Variants in FMN1 observed in about 807,000 individuals in gnomAD.
The protein encoded by FMN1 is formin-1.
In FMN1, 110 loss-of-function variants were observed where a neutral mutation model predicts 132.4. The ratio of observed to expected loss-of-function variants is 0.83; its 90% CI spans 0.71 to 0.97. The LOEUF is 0.97. Among genes scored for constraint, FMN1 ranks in the 50% least tolerant of loss-of-function variants. The pLI is 0.00. For synonymous variants in FMN1, 722 were observed against 651.7 expected, an observed-to-expected ratio of 1.11 and a Z score of -1.64; for missense variants, 1,792 against 1,705.3, an observed-to-expected ratio of 1.05 and a Z score of -0.90.
intron 15 of FMN1, among the ~76,000 whole-genome samples, chr15:32,889,313 C>T (rs1219089020): frequency 1.3e-5 from 2 of 152,134 alleles, no homozygotes; most frequent in African/African-American, 4.8e-5. Flanking sequence ...CTAGCTTTCT[C>T]CCTGAGTTGT....
chr15:33,130,919 CA>C (rs1445763567), intron 4 of FMN1, among the ~76,000 whole-genome samples: 2 of 152,178 alleles, frequency 1.3e-5, no homozygotes, highest in Admixed American at 6.5e-5. Context: ...AAGGTTACTT[CA>C]ATTCTAGGCT....
chr15:32,894,598 A>G (rs2060109983), intron 15 of FMN1, among the ~76,000 whole-genome samples: 1 of 152,154 alleles, frequency 6.6e-6, no homozygotes, highest in African/African-American at 2.4e-5. Flanking sequence ...ATGCATCTTG[A>G]GAAAGATTCA....
intron 5 of FMN1, among the ~76,000 whole-genome samples, chr15:33,076,759 A>G (rs190633902): frequency 6.6e-6 from 1 of 152,080 alleles, no homozygotes; most frequent in Non-Finnish European, 1.5e-5. Flanking sequence ...GACAATAAAT[A>G]AAAAAAACTA....
chr15:32,856,367 C>T (rs566007432), intron 17 of FMN1, among the ~76,000 whole-genome samples: 1 of 152,310 alleles, frequency 6.6e-6, no homozygotes, highest in Non-Finnish European at 1.5e-5. Flanking sequence ...CATGATACTT[C>T]CATGTTCACT....
At chr15:32,783,619 T>A (rs1444661471) in intron 19 of FMN1, among the ~76,000 whole-genome samples, 1 of 151,548 alleles carries the variant, frequency 6.6e-6, no homozygotes, top group East Asian at 1.9e-4. Flanking sequence ...GGTGGGCGCC[T>A]GTAGTCCCAG....
chr15:32,867,416 TCTC>T (rs1303490792), intron 16 of FMN1, among the ~76,000 whole-genome samples: 2 of 152,166 alleles, frequency 1.3e-5, no homozygotes, highest in African/African-American at 4.8e-5. Context: ...ATTATGGTGT[TCTC>T]CTGCTATGCC....
At chr15:33,106,967 T>C (rs2039511446) in intron 4 of FMN1, among the ~76,000 whole-genome samples, 2 of 152,084 alleles carry the variant, frequency 1.3e-5, no homozygotes, top group African/African-American at 2.4e-5. Flanking sequence ...TTAATGTATC[T>C]GGCCATAAGC....
chr15:33,162,854 C>T lies in FMN1; in HGVS notation c.-131-7809G>A, dbSNP rs142077759. On this transcript the variant is annotated intron_variant, in intron 3 of 20. Transcript: ENST00000616417. ...GTTACAGGCCGGGCGTGGTGGCTCACGCCTGTAATCCCAGCACTTTGGGAG... is the reference window on the plus strand; with the variant it reads ...GTTACAGGCCGGGCGTGGTGGCTCATGCCTGTAATCCCAGCACTTTGGGAG... Among the ~76,000 whole-genome samples, 1,383 of 152,262 alleles carry T rather than the reference C, an allele frequency of 9.1e-3. 22 individuals carry two copies. Among genetic ancestry groups the T allele is most frequent in the African/African-American group, 0.032 (1,318 of 41,544 alleles).
At chr15:33,106,799 A>G (rs937608363) in intron 4 of FMN1, among the ~76,000 whole-genome samples, 7 of 152,034 alleles carry the variant, frequency 4.6e-5, no homozygotes, top group African/African-American at 1.2e-4. Context: ...CCCTTGGCCA[A>G]CTAAAATCTC....
At chr15:32,939,016 C>A (rs1045940538) in intron 9 of FMN1, among the ~76,000 whole-genome samples, 2 of 152,180 alleles carry the variant, frequency 1.3e-5, no homozygotes, top group African/African-American at 4.8e-5. Context: ...GGGAATAGAA[C>A]GACCTGTTAC....
At chr15:33,110,222 G>A (rs889441767) in intron 4 of FMN1, among the ~76,000 whole-genome samples, 2 of 152,098 alleles carry the variant, frequency 1.3e-5, no homozygotes, top group South Asian at 4.1e-4. Flanking sequence ...AAAACCATAA[G>A]CAAGTAAAGT....
At chr15:33,077,956 T>A (rs1461400051) in intron 5 of FMN1, among the ~76,000 whole-genome samples, 1 of 152,126 alleles carries the variant, frequency 6.6e-6, no homozygotes, top group African/African-American at 2.4e-5. Context: ...TCACACCAGT[T>A]AGAATGGCGA....
At chr15:32,972,641 T>C (rs1267033390) in intron 7 of FMN1, among the ~76,000 whole-genome samples, 1 of 152,216 alleles carries the variant, frequency 6.6e-6, no homozygotes, top group African/African-American at 2.4e-5. Context: ...AGTCAATCTG[T>C]AGACTCATTC....
In FMN1 at chr15:32,772,353, A is replaced by G. The variant is rs976022901; in HGVS notation, c.*1957T>C. 6.6e-6 allele frequency: 1 copy of G among 152,192 alleles called. No individual in the cohort carries two copies. 9.4% of individuals were successfully genotyped at this position (152,192 alleles called of 1,614,324 possible). A position where few individuals can be genotyped will look rare whatever the true frequency, so the allele number is the denominator to read the frequency against. On this transcript the variant is annotated 3_prime_UTR_variant, in exon 21 of 21. Transcript: ENST00000616417. ...AAGGATTGAGACTTCTGCTGGCCCC[A>G]CATAACTCAAAAGAGCTGAATTATA...
intron 4 of FMN1, among the ~76,000 whole-genome samples, chr15:33,137,059 G>A (rs1389071579): frequency 1.7e-5 from 2 of 117,882 alleles, no homozygotes; most frequent in African/African-American, 6.7e-5. Flanking sequence ...CTGCACTCCA[G>A]CCTGGGCGAC....
intron 4 of FMN1, among the ~76,000 whole-genome samples, chr15:33,115,999 A>C (rs569392341): frequency 1.1e-4 from 16 of 152,284 alleles, no homozygotes; most frequent in Admixed American, 9.2e-4. Flanking sequence ...GGGCTGAATT[A>C]AAGAATTTTC....
chr15:33,192,547 T>C (rs534688601), intron 2 of FMN1, among the ~76,000 whole-genome samples: 1 of 152,294 alleles, frequency 6.6e-6, no homozygotes, highest in African/African-American at 2.4e-5. Context: ...AGCTGCATCT[T>C]TAACGTATCT....
intron 16 of FMN1, among the ~76,000 whole-genome samples, chr15:32,864,316 C>T (rs1464470770): frequency 6.6e-6 from 1 of 152,108 alleles, no homozygotes; most frequent in Non-Finnish European, 1.5e-5. Flanking sequence ...GTGAGGATAA[C>T]TAGGAGAGGG....
chr15:32,900,174 C>A, intron 13 of FMN1, 49 bp from the exon 14 acceptor site: 1 of 1,593,838 alleles, frequency 6.3e-7, no homozygotes, highest in Non-Finnish European at 8.6e-7. Context: ...CAAATGCACC[C>A]ATGTTCATTC....
Sources: gnomAD v4.1 joint callset for allele counts (sites outside exome capture counted in the v4.1 genomes callset) on GRCh38, gnomAD v4.1.1 for gene constraint, MANE v1.5 for transcripts, NCBI Gene and HGNC (gene_info 2026-07-23, HGNC 2026-07-21) for gene names.